Variants in PTPRN2 observed in about 807,000 individuals in gnomAD.
The protein encoded by PTPRN2 is protein tyrosine phosphatase receptor type N2.
Under a neutral mutation model 118.8 loss-of-function variants are expected in PTPRN2, and 74 were observed. The ratio of observed to expected loss-of-function variants is 0.62; its 90% CI spans 0.52 to 0.76. The LOEUF (loss-of-function observed/expected upper bound fraction) is 0.76. Ranked by LOEUF, PTPRN2 falls within the 30% of genes least tolerant of loss-of-function variation. The pLI, the probability that PTPRN2 is intolerant of heterozygous loss-of-function variation, is 0.00. For synonymous variants in PTPRN2, 641 were observed against 608.0 expected (o/e 1.05, Z -0.80); for missense variants, 1,481 against 1,394.4 (o/e 1.06, Z -0.99).
chr7:157,753,467 G>A (rs1801601310), intron 12 of PTPRN2, among the ~76,000 whole-genome samples: 1 of 152,178 alleles, frequency 6.6e-6, no homozygotes, highest in Admixed American at 6.5e-5. Flanking sequence ...ACCAGCACAG[G>A]CACCAGCCAC....
intron 3 of PTPRN2, among the ~76,000 whole-genome samples, chr7:158,279,908 G>A (rs11973428): frequency 0.23 from 35,126 of 151,958 alleles, 4,161 homozygotes; most frequent in African/African-American, 0.26. Context: ...TTGACCCCAC[G>A]GTGTGCCAGG....
chr7:157,972,163 G>C (rs999930990), intron 11 of PTPRN2, among the ~76,000 whole-genome samples: 1 of 152,208 alleles, frequency 6.6e-6, no homozygotes, highest in Non-Finnish European at 1.5e-5. Context: ...TGCACAGCTT[G>C]GAAGTGTAAA....
At position 158,140,229 on chromosome 7, in the gene PTPRN2, C is replaced by T. The variant is rs544145333; in HGVS notation, c.911-1714G>A. On this transcript the variant is annotated intron_variant, in intron 6 of 22. Coordinates refer to ENST00000389418, the MANE Select transcript of PTPRN2 (RefSeq NM_002847.5). ...CTAGAGGGAGCTGAAGCCTCCTCAC[C>T]GCGTCCAGGAAGTGGCACAGTGACA... 2.8e-4 allele frequency among the ~76,000 whole-genome samples: 42 copies of T among 152,284 alleles called. No individual in the cohort carries two copies. The South Asian group carries it at 7.3e-3, about 26-fold the overall frequency.
intron 2 of PTPRN2, among the ~76,000 whole-genome samples, chr7:158,417,522 G>T (rs1563267857): frequency 6.7e-6 from 1 of 150,026 alleles, no homozygotes; most frequent in African/African-American, 2.5e-5. Flanking sequence ...TTAAGTCATG[G>T]TGTACTACAT....
In PTPRN2 at chr7:158,438,040, G is replaced by A. The variant is rs571903513; in HGVS notation, c.163+51695C>T. ...AATGCCCCCAGGAGACAGGCAGCCC[G>A]CAGGGAGTGGGCTCCCTAACAGTGC... On this transcript the variant is annotated intron_variant, in intron 2 of 22. Transcript: ENST00000389418. This position sits in a 1 kb window ranked among gnomAD's most constrained non-coding sequence, Gnocchi z 4.7. 7.9e-5 allele frequency among the ~76,000 whole-genome samples: 12 copies of A among 152,316 alleles called. No individual in the cohort carries two copies. In the South Asian group the frequency reaches 1.2e-3, roughly 16 times the overall value.
At chr7:157,907,031 A>T (rs1434265828) in intron 11 of PTPRN2, among the ~76,000 whole-genome samples, 1 of 152,198 alleles carries the variant, frequency 6.6e-6, no homozygotes, top group African/African-American at 2.4e-5. Flanking sequence ...ACCTGTTGGA[A>T]AGGTTTGGAA....
At chr7:157,951,324 T>G (rs1352429635) in intron 11 of PTPRN2, among the ~76,000 whole-genome samples, 1 of 152,146 alleles carries the variant, frequency 6.6e-6, no homozygotes, top group Non-Finnish European at 1.5e-5. Context: ...AAAAGGACAC[T>G]CACAACAATT....
At chr7:158,147,397 T>A (rs370368047) in intron 6 of PTPRN2, among the ~76,000 whole-genome samples, 883 of 8,216 alleles carry the variant, frequency 0.11, 4 homozygotes, top group Middle Eastern at 0.25. Flanking sequence ...ACGCCACGTG[T>A]CTTTCCCCTT....
rs569456914 is a variant in PTPRN2 at position 157,804,692 on chromosome 7, C to T, written c.1788+93981G>A. 9.8e-5 allele frequency among the ~76,000 whole-genome samples: 15 copies of T among 152,308 alleles called. No homozygotes were observed. In the East Asian group the frequency reaches 2.9e-3, roughly 29 times the overall value. On this transcript the variant is annotated intron_variant, in intron 12 of 22. Coordinates refer to ENST00000389418, the MANE Select transcript of PTPRN2 (RefSeq NM_002847.5). Reference sequence around the variant, plus strand: ...ACAGTCTCCCCTCTGACCCTTCTCGCCCTACTGGGTGACCAGTAGGTGATG... The same window carrying T: ...ACAGTCTCCCCTCTGACCCTTCTCGTCCTACTGGGTGACCAGTAGGTGATG...
At chr7:157,642,841 A>AAAAAC (rs1804781098) in intron 14 of PTPRN2, among the ~76,000 whole-genome samples, 1 of 147,884 alleles carries the variant, frequency 6.8e-6, no homozygotes, top group South Asian at 2.2e-4. Flanking sequence ...AAAAAAAAAA[A>AAAAAC]AAAGCAGCTA....
chr7:157,938,913 G>A (rs1473848091), intron 11 of PTPRN2, among the ~76,000 whole-genome samples: 1 of 152,226 alleles, frequency 6.6e-6, no homozygotes, highest in Non-Finnish European at 1.5e-5. Flanking sequence ...GCTGAAGTAA[G>A]GAGTGGGGCT....
intron 2 of PTPRN2, among the ~76,000 whole-genome samples, chr7:158,435,247 A>G (rs945117814): frequency 1.3e-5 from 2 of 152,258 alleles, no homozygotes; most frequent in African/African-American, 4.8e-5. Flanking sequence ...CTGCAACCCA[A>G]TAACCAAAAA....
rs540226366 is a variant in PTPRN2, at chr7:158,226,161, T to C, written c.278-20888A>G. On this transcript the variant is annotated intron_variant, in intron 3 of 22. Transcript: ENST00000389418. ...GTCCTTCCTATTTTAATCCTCAGGA[T>C]TTGTGAATAATGAATTAAAGATAAT... Among the ~76,000 whole-genome samples, 8 of 152,266 alleles carry C rather than the reference T, an allele frequency of 5.3e-5. No homozygotes were observed. The South Asian group carries it at 1.7e-3, about 32-fold the overall frequency.
chr7:158,345,364 T>G (rs77699173), intron 2 of PTPRN2, among the ~76,000 whole-genome samples: 307 of 152,352 alleles, frequency 2.0e-3, no homozygotes, highest in African/African-American at 5.7e-3. Context: ...CAGAGCTTTG[T>G]CTGGAGACAG....
intron 2 of PTPRN2, among the ~76,000 whole-genome samples, chr7:158,321,582 G>A (rs377514537): frequency 2.0e-5 from 3 of 152,194 alleles, no homozygotes; most frequent in Admixed American, 6.5e-5. Context: ...GCCCATCCAC[G>A]AGACTTTCAG....
At chr7:158,147,026 C>T (rs35369686) in intron 6 of PTPRN2, among the ~76,000 whole-genome samples, 2 of 1,248 alleles carry the variant, frequency 1.6e-3, no homozygotes. Context: ...GTCTTTCCCC[C>T]TCAATGACAC....
At chr7:158,320,311 T>A (rs1586248276) in intron 2 of PTPRN2, among the ~76,000 whole-genome samples, 2 of 152,206 alleles carry the variant, frequency 1.3e-5, no homozygotes, top group South Asian at 4.1e-4. Flanking sequence ...ATGGTAAGAG[T>A]ATGCTTAGTT....
intron 12 of PTPRN2, among the ~76,000 whole-genome samples, chr7:157,756,139 A>C (rs1801764852): frequency 6.6e-6 from 1 of 152,202 alleles, no homozygotes; most frequent in African/African-American, 2.4e-5. Context: ...ACTTCTTTAC[A>C]ATCAAAGAAT....
intron 12 of PTPRN2, among the ~76,000 whole-genome samples, chr7:157,793,743 G>A (rs115001809): frequency 0.011 from 1,657 of 152,300 alleles, 38 homozygotes; most frequent in African/African-American, 0.038. Context: ...ATCCACTGGA[G>A]GCCTGAATGG....
Sources: allele counts gnomAD v4.1 joint callset (sites outside exome capture counted in the v4.1 genomes callset), GRCh38; gene constraint gnomAD v4.1.1; non-coding constraint Gnocchi (gnomAD v3.1); transcripts MANE v1.5; gene names NCBI Gene and HGNC (gene_info 2026-07-23, HGNC 2026-07-21).